Variants in AGAP1 observed in about 807,000 individuals in gnomAD.
The protein encoded by AGAP1 is ArfGAP with GTPase domain, ankyrin repeat and PH domain 1.
Under a neutral mutation model 105.3 loss-of-function variants are expected in AGAP1, and 29 were observed. The observed-to-expected ratio is 0.28, with a 90% CI of 0.21 to 0.38. The LOEUF (loss-of-function observed/expected upper bound fraction) is 0.38. Ranked by LOEUF, AGAP1 falls within the 10% of genes least tolerant of loss-of-function variation. AGAP1 has a pLI of 1.00. For synonymous variants in AGAP1, 509 were observed against 485.9 expected, an observed-to-expected ratio of 1.05 and a Z score of -0.63; for missense variants, 998 against 1,165.1, an observed-to-expected ratio of 0.86 and a Z score of 2.09.
intron 6 of AGAP1, chr2:235,774,329 T>TA (rs1955694277): frequency 2.1e-6 from 1 of 470,078 alleles, no homozygotes; most frequent in Non-Finnish European, 4.4e-6. Context: ...GCTGGGAAGA[T>TA]AGAGGTGCTG....
At chr2:235,811,243 G>A (rs1461162485) in intron 9 of AGAP1, among the ~76,000 whole-genome samples, 8 of 152,134 alleles carry the variant, frequency 5.3e-5, no homozygotes, top group Non-Finnish European at 1.0e-4. Context: ...GCAGAGCCCC[G>A]GCCAGAGAAC....
chr2:236,047,483 G>A (rs999300224), intron 15 of AGAP1, among the ~76,000 whole-genome samples: 4 of 150,900 alleles, frequency 2.7e-5, no homozygotes, highest in African/African-American at 4.9e-5. Context: ...GCTTTTCAGC[G>A]TTGAGTCTCT....
rs770200918 is a variant in AGAP1 at position 235,830,769 on chromosome 2, G to A, written c.1050+23438G>A. Among the ~76,000 whole-genome samples, 3 of 152,118 alleles carry A rather than the reference G, an allele frequency of 2.0e-5. No homozygotes were observed. The highest frequency in any genetic ancestry group is 6.5e-5 in the Admixed American group (1 of 15,280). On this transcript the variant is annotated intron_variant, in intron 9 of 17. Transcript: ENST00000304032. This position sits in a 1 kb window ranked among gnomAD's most constrained non-coding sequence, Gnocchi z 5.5. ...TGCATTTATAAGATATTTCTTCCTC[G>A]GAATTTTTAAGTGATTTTACTTCTA...
chr2:235,671,900 A>G (rs753057230), intron 1 of AGAP1, among the ~76,000 whole-genome samples: 3 of 152,164 alleles, frequency 2.0e-5, no homozygotes, highest in East Asian at 1.9e-4. Context: ...CAGAAACCTC[A>G]AAACACAGAC....
intron 6 of AGAP1, among the ~76,000 whole-genome samples, chr2:235,768,989 T>G (rs1245479022): frequency 3.3e-5 from 5 of 152,152 alleles, no homozygotes. Flanking sequence ...TAGCAAATAT[T>G]CCAATAATTA....
At chr2:235,584,189 A>G (rs6431388) in intron 1 of AGAP1, among the ~76,000 whole-genome samples, 87,153 of 146,274 alleles carry the variant, frequency 0.6, 27,560 homozygotes, top group African/African-American at 0.82. Flanking sequence ...CCCTCAATAA[A>G]CCACTTTTTT....
chr2:235,717,158 TC>T (rs564447529), intron 2 of AGAP1, among the ~76,000 whole-genome samples: 86 of 152,196 alleles, frequency 5.7e-4, no homozygotes, highest in Non-Finnish European at 1.1e-3. Context: ...CTCGCCACTC[TC>T]CCCACGTCAC....
intron 1 of AGAP1, among the ~76,000 whole-genome samples, chr2:235,598,183 T>C (rs537272963): frequency 1.3e-5 from 2 of 152,192 alleles, no homozygotes; most frequent in Non-Finnish European, 2.9e-5. Context: ...GTGACTGGCG[T>C]GTCTACAGCA....
rs181777785 is a variant in AGAP1 at position 235,876,684 on chromosome 2, G to A, written c.1051-6661G>A. Among the ~76,000 whole-genome samples, 8 of 152,164 alleles carry A rather than the reference G, an allele frequency of 5.3e-5. No homozygotes were observed. In the East Asian group the frequency reaches 9.6e-4, roughly 18 times the overall value. The stretch of plus-strand genomic sequence containing the variant: ...TAAAGCCTGACTTTGTGCTGGCCCC[G>A]CCCCACCTCACCCAGCACCTTGTCC... On this transcript the variant is annotated intron_variant, in intron 9 of 17. Transcript: ENST00000304032.
In AGAP1 at chr2:235,883,310, A is replaced by G. The variant is rs370872239; in HGVS notation, c.1051-35A>G. 392 of 1,589,032 alleles carry G rather than the reference A, an allele frequency of 2.5e-4. No individual in the cohort carries two copies. The highest frequency in any genetic ancestry group is 3.2e-4 in the Non-Finnish European group (377 of 1,160,106). On this transcript the variant is annotated intron_variant, in intron 9 of 17. Transcript: ENST00000304032. The surrounding 1 kb of genome is among the most constrained non-coding windows in gnomAD (Gnocchi z 4.5). ...CCTGCCTTTTCTTTTTTTTATTTACATTAGAATTTCTATTTGGCTCTTTTT... is the reference window on the plus strand; with the variant it reads ...CCTGCCTTTTCTTTTTTTTATTTACGTTAGAATTTCTATTTGGCTCTTTTT...
chr2:235,807,874 C>A (rs1957921077), intron 9 of AGAP1, among the ~76,000 whole-genome samples: 1 of 152,120 alleles, frequency 6.6e-6, no homozygotes, highest in African/African-American at 2.4e-5. Context: ...TTCATTTAGA[C>A]CTTATTATAT....
Position 235,962,057 on chromosome 2 carries a change from G to A in AGAP1, c.1484-6405G>A, listed in dbSNP as rs2054212702. On this transcript the variant is annotated intron_variant, in intron 12 of 17. Transcript: ENST00000304032. This position sits in a 1 kb window ranked among gnomAD's most constrained non-coding sequence, Gnocchi z 5.3. ...TGCTTTTGGTTTTTGGTTTTGTTTT[G>A]TTTTGTTTTGTTTTGTTTTGTTTTG... Among the ~76,000 whole-genome samples, 1 of 110,284 alleles carries A rather than the reference G, an allele frequency of 9.1e-6. No individual in the cohort carries two copies. The highest frequency in any genetic ancestry group is 2.6e-4 in the South Asian group (1 of 3,804). 72.4% of individuals were successfully genotyped at this position (110,284 alleles called of 152,430 possible). A position where few individuals can be genotyped will look rare whatever the true frequency, so the allele number is the denominator to read the frequency against.
At chr2:235,907,716 A>T (rs2125036021) in intron 10 of AGAP1, among the ~76,000 whole-genome samples, 1 of 152,320 alleles carries the variant, frequency 6.6e-6, no homozygotes, top group East Asian at 1.9e-4. Context: ...TTCCTTATAT[A>T]ATACAGCATA....
chr2:236,093,707 T>G (rs1166856559), intron 16 of AGAP1, among the ~76,000 whole-genome samples: 1 of 152,094 alleles, frequency 6.6e-6, no homozygotes. Flanking sequence ...GGACCACATA[T>G]CAGTGGCTGC....
intron 6 of AGAP1, among the ~76,000 whole-genome samples, chr2:235,795,077 G>T (rs530239885): frequency 6.6e-6 from 1 of 152,118 alleles, no homozygotes; most frequent in Non-Finnish European, 1.5e-5. Context: ...GCTCCCTCCC[G>T]TGACATTCCA....
chr2:235,632,772 C>T (rs1022040990), intron 1 of AGAP1, among the ~76,000 whole-genome samples: 6 of 152,072 alleles, frequency 3.9e-5, no homozygotes, highest in African/African-American at 1.2e-4. Flanking sequence ...ACTTGATAGC[C>T]GGCCATTGCA....
At chr2:236,079,536 A>G (rs969486019) in intron 16 of AGAP1, among the ~76,000 whole-genome samples, 2 of 133,464 alleles carry the variant, frequency 1.5e-5, no homozygotes, top group Non-Finnish European at 3.0e-5. Flanking sequence ...TCTCAAAAAA[A>G]AAAAATTATA....
Position 235,904,264 on chromosome 2 carries a change from T to C in AGAP1, c.1156-4474T>C, listed in dbSNP as rs1429856242. 2.6e-5 allele frequency among the ~76,000 whole-genome samples: 4 copies of C among 152,204 alleles called. No individual in the cohort carries two copies. The highest frequency in any genetic ancestry group is 2.9e-5 in the Non-Finnish European group (2 of 68,032). On this transcript the variant is annotated intron_variant, in intron 10 of 17. Transcript: ENST00000304032. This position sits in a 1 kb window ranked among gnomAD's most constrained non-coding sequence, Gnocchi z 4.2. ...GATGGCAAAGGTGCCGGAGCAGGGTTGCAGGGGGACAGCGAGGCACAGTTA... is the reference window on the plus strand; with the variant it reads ...GATGGCAAAGGTGCCGGAGCAGGGTCGCAGGGGGACAGCGAGGCACAGTTA...
chr2:235,746,377 CTTT>C (rs1172393048), intron 5 of AGAP1, among the ~76,000 whole-genome samples: 3,679 of 55,042 alleles, frequency 0.067, 100 homozygotes, highest in African/African-American at 0.075. Flanking sequence ...CCTCCCCCAA[CTTT>C]TTTTTTTTTT....
Sources: allele counts gnomAD v4.1 joint callset (sites outside exome capture counted in the v4.1 genomes callset), GRCh38; gene constraint gnomAD v4.1.1; non-coding constraint Gnocchi (gnomAD v3.1); transcripts MANE v1.5; gene names NCBI Gene and HGNC (gene_info 2026-07-23, HGNC 2026-07-21).